Variants in NCF4 observed in about 807,000 individuals in gnomAD.
NCF4 encodes the protein neutrophil cytosol factor 4.
Under a neutral mutation model 41.7 loss-of-function variants are expected in NCF4, and 30 were observed. The ratio of observed to expected loss-of-function variants is 0.72; its 90% CI spans 0.54 to 0.97. NCF4 has a LOEUF of 0.97. Ranked by LOEUF, NCF4 falls within the 50% of genes least tolerant of loss-of-function variation. NCF4 has a pLI of 0.00. For synonymous variants in NCF4, 195 were observed against 175.8 expected (o/e 1.11, Z -0.87); for missense variants, 432 against 460.9 (o/e 0.94, Z 0.57).
intron 9 of NCF4, among the ~76,000 whole-genome samples, chr22:36,877,046 C>A (rs993247022): frequency 5.9e-5 from 9 of 152,180 alleles, no homozygotes; most frequent in African/African-American, 1.7e-4. Flanking sequence ...CCCAGTCAAA[C>A]CCACTCTTCT....
Position 36,871,687 on chromosome 22 carries a change from G to T in NCF4, c.506G>T (p.Arg169Leu), listed in dbSNP as rs371308317. The change falls in exon 6 of 10, where the codon CGC becomes CTC. Residue 169 changes from arginine to leucine, a missense_variant. Transcript: ENST00000248899. ...SVSPQGNSVD[R>L]MAAPRAEALF... ...TCCCCACAGGGCAACAGCGTTGACC[G>T]CATGGCAGCTCCGAGAGCAGAGGTA... 7.0e-6 allele frequency: 11 copies of T among 1,569,702 alleles called. 1 individual carries two copies. Among genetic ancestry groups the T allele is most frequent in the South Asian group, 2.3e-5 (2 of 85,474 alleles).
rs775229266 is a variant in NCF4 at position 36,864,100 on chromosome 22, G to A, written c.88G>A (p.Glu30Lys). The A allele has an allele frequency of 1.1e-5, 17 of 1,613,800 alleles. No individual in the cohort carries two copies. Among genetic ancestry groups the A allele is most frequent in the Middle Eastern group, 1.6e-4 (1 of 6,084 alleles). Residue 30 changes from glutamate to lysine, a missense_variant, in exon 2 of 10, where the codon GAG (glutamate) becomes AAG (lysine). Physicochemically the swap from Glu to Lys is moderately conservative, Grantham distance 56 (BLOSUM62 1). Transcript: ENST00000248899. ...CATCTCGGCCAACATTGCTGACATC[G>A]AGGAGAAGAGAGGCTTCACCAGCCA... ...VAISANIADI[E>K]EKRGFTSHFV...
intron 7 of NCF4, among the ~76,000 whole-genome samples, chr22:36,874,333 A>G (rs1032173881): frequency 8.5e-5 from 13 of 152,170 alleles, no homozygotes; most frequent in Non-Finnish European, 1.9e-4. Flanking sequence ...GTGTTGAAGG[A>G]GGTTCTGGGA....
At chr22:36,871,813 G>T in intron 6 of NCF4, 104 bp downstream of exon 6, 2 of 1,326,568 alleles carry the variant, frequency 1.5e-6, no homozygotes, top group East Asian at 2.5e-5. Flanking sequence ...CTGTGTGCCT[G>T]GGACAGTGCT....
intron 8 of NCF4, 37 bp from the exon 9 acceptor site, chr22:36,875,992 C>A (rs1357741437): frequency 1.9e-6 from 3 of 1,614,052 alleles, no homozygotes; most frequent in Non-Finnish European, 1.7e-6. Context: ...CCACTTCCAG[C>A]CTGATGCCTC....
rs529996027 is a variant in NCF4, at chr22:36,861,213, G to A, written c.32+10G>A. On this transcript the variant is annotated intron_variant, in intron 1 of 9. Coordinates refer to ENST00000248899, the MANE Select transcript of NCF4 (RefSeq NM_000631.5). ...AGCTGCGGGCCGAGAGGTGAGTGCC[G>A]GGGTGTGGCCGCCCCCGGGCCTTCT... 1.5e-4 allele frequency: 233 copies of A among 1,551,458 alleles called. No individual in the cohort carries two copies. The highest frequency in any genetic ancestry group is 1.8e-4 in the Non-Finnish European group (206 of 1,146,814).
At chr22:36,871,990 G>T in intron 6 of NCF4, 1 of 633,506 alleles carries the variant, frequency 1.6e-6, no homozygotes. Flanking sequence ...AGTCAGCCCT[G>T]CCTTAGGCAT....
Position 36,867,429 on chromosome 22 carries a change from G to C in NCF4, c.309G>C (p.Glu103Asp). The change falls in exon 4 of 10, where the codon GAG becomes GAC. Residue 103 changes from glutamate (E) to aspartate (D), a missense_variant. Physicochemically the swap from Glu to Asp is conservative, Grantham distance 45. Transcript: ENST00000248899. ...TGGGTGTGAAACAGGAGATCGCCGA[G>C]ATGCGGATACCTGCCCTCAACGCCT... ...VYVGVKQEIA[E>D]MRIPALNAYM... 6.2e-7 allele frequency: 1 copy of C among 1,614,212 alleles called. No individual in the cohort carries two copies. The highest frequency in any genetic ancestry group is 8.5e-7 in the Non-Finnish European group (1 of 1,180,038).
intron 2 of NCF4, 64 bp downstream of exon 2, chr22:36,864,193 C>T: frequency 7.7e-7 from 1 of 1,301,018 alleles, no homozygotes; most frequent in Non-Finnish European, 1.1e-6. Flanking sequence ...GACCTCTGAA[C>T]CTTGCCCTCT....
chr22:36,875,170 C>A (rs937888556), intron 7 of NCF4, among the ~76,000 whole-genome samples: 7 of 152,110 alleles, frequency 4.6e-5, no homozygotes, highest in African/African-American at 1.7e-4. Flanking sequence ...GCTGGGATTA[C>A]AGGCCCGCAC....
intron 3 of NCF4, 87 bp from the exon 4 acceptor site, chr22:36,867,305 G>A (rs775351520): frequency 7.0e-7 from 1 of 1,420,580 alleles, no homozygotes; most frequent in Non-Finnish European, 9.9e-7. Flanking sequence ...AGGGGCTCTG[G>A]CCAGGGTTCC....
chr22:36,864,393 C>T (rs1939870880), intron 2 of NCF4, among the ~76,000 whole-genome samples: 1 of 152,198 alleles, frequency 6.6e-6, no homozygotes, highest in Admixed American at 6.5e-5. Context: ...ACAGCCCTGT[C>T]CCCAGTAAAG....
chr22:36,864,647 C>A (rs1336814618), intron 2 of NCF4, among the ~76,000 whole-genome samples: 1 of 152,148 alleles, frequency 6.6e-6, no homozygotes, highest in Non-Finnish European at 1.5e-5. Context: ...GTGTGTTTGG[C>A]CTATTTCCAA....
chr22:36,861,233 C>A (rs1290818848), intron 1 of NCF4, 30 bp downstream of exon 1: 2 of 1,550,880 alleles, frequency 1.3e-6, no homozygotes, highest in Non-Finnish European at 1.7e-6. Flanking sequence ...CGCCCCCGGG[C>A]CTTCTCACTG....
chr22:36,869,440 C>G (rs112273458), intron 4 of NCF4, among the ~76,000 whole-genome samples: 2 of 152,318 alleles, frequency 1.3e-5, no homozygotes, highest in Admixed American at 6.5e-5. Context: ...ATCCCAGGAG[C>G]CCCTGGCTCC....
At chr22:36,867,749 T>G (rs766716275) in intron 4 of NCF4, among the ~76,000 whole-genome samples, 1 of 152,090 alleles carries the variant, frequency 6.6e-6, no homozygotes, top group Non-Finnish European at 1.5e-5. Flanking sequence ...ATGCCAGGAG[T>G]TAAAATACAA....
At chr22:36,869,301 T>TCC (rs1939998875) in intron 4 of NCF4, among the ~76,000 whole-genome samples, 1 of 152,108 alleles carries the variant, frequency 6.6e-6, no homozygotes, top group Non-Finnish European at 1.5e-5. Context: ...ATTCTGCATG[T>TCC]ATTTACTCAT....
chr22:36,867,583 C>T, intron 4 of NCF4, 121 bp downstream of exon 4: 2 of 1,046,172 alleles, frequency 1.9e-6, no homozygotes, highest in Non-Finnish European at 2.9e-6. Context: ...TCTGATGGCC[C>T]CATCTTCAAT....
rs1275038622 is a variant in NCF4 at position 36,877,706 on chromosome 22, G to C, written c.903G>C (p.Glu301Asp). The change falls in exon 10 of 10, where the codon GAG becomes GAC. Residue 301 changes from glutamate (E) to aspartate (D), a missense_variant. Glu to Asp is a conservative substitution (Grantham distance 45, BLOSUM62 2). Transcript: ENST00000248899. ...ATCTGGTTCGGCTGCTGTCGGATGA[G>C]GACGTAGCGCTCATGGTGCGGCAGG... ...EGDLVRLLSD[E>D]DVALMVRQAR... 2 of 1,614,198 alleles carry C rather than the reference G, an allele frequency of 1.2e-6. No homozygotes were observed. The highest frequency in any genetic ancestry group is 8.5e-7 in the Non-Finnish European group (1 of 1,180,050).
Sources: allele counts gnomAD v4.1 joint callset (sites outside exome capture counted in the v4.1 genomes callset), GRCh38; gene constraint gnomAD v4.1.1; transcripts MANE v1.5; gene names NCBI Gene and HGNC (gene_info 2026-07-23, HGNC 2026-07-21).